The following TMEM127 variants were observed in gnomAD, a reference collection of about 807,000 sequenced individuals.
TMEM127 encodes the protein transmembrane protein 127.
Under a neutral mutation model 20.1 loss-of-function variants are expected in TMEM127, and 21 were observed. That is an observed-to-expected ratio of 1.04 (90% CI 0.74 to 1.50). The LOEUF is 1.50. Ranked by LOEUF, TMEM127 falls within the 40% of genes most tolerant of loss-of-function variation. The probability of loss-of-function intolerance (pLI) is 0.00; values close to 1 mark genes in which losing one functional copy is unlikely to be tolerated. For missense variants in TMEM127, 303 were observed against 317.4 expected, an observed-to-expected ratio of 0.95 and a Z score of 0.34; for synonymous variants, 150 against 144.7, an observed-to-expected ratio of 1.04 and a Z score of -0.26.
chr2:96,255,105 C>A, intron 2 of TMEM127, 108 bp from the exon 3 acceptor site: 1 of 1,489,384 alleles, frequency 6.7e-7, no homozygotes, highest in Non-Finnish European at 9.2e-7. Context: ...GGAGCCAGGG[C>A]AGTTCTGGAG....
intron 2 of TMEM127, among the ~76,000 whole-genome samples, chr2:96,257,269 G>A (rs888711563): frequency 1.3e-5 from 2 of 149,920 alleles, no homozygotes; most frequent in Admixed American, 6.6e-5. Flanking sequence ...CGACATCAGC[G>A]TGGCCAACAT....
Position 96,251,718 on chromosome 2 carries a change from A to G in TMEM127, c.*2090T>C, listed in dbSNP as rs144980006. The G allele has an allele frequency of 4.4e-5, 10 of 228,328 alleles. No individual in the cohort carries two copies. Among genetic ancestry groups the G allele is most frequent in the African/African-American group, 2.2e-4 (10 of 45,100 alleles). The allele number at this position is 228,328 out of a possible 1,614,324, so 14.1% of individuals were successfully genotyped here. On this transcript the variant is annotated 3_prime_UTR_variant, in exon 4 of 4. Transcript: ENST00000258439. ...ATTTTTTTCTAGAAAAAAAAACACAACCCGGGGAATTTATATGACAAACTA... is the reference window on the plus strand; with the variant it reads ...ATTTTTTTCTAGAAAAAAAAACACAGCCCGGGGAATTTATATGACAAACTA...
chr2:96,249,088 TGTG>T lies in TMEM127; in HGVS notation c.*4717_*4719del. 1 of 228,282 alleles carries T rather than the reference TGTG, an allele frequency of 4.4e-6. No individual in the cohort carries two copies. The highest frequency in any genetic ancestry group is 8.6e-6 in the Non-Finnish European group (1 of 116,310). The allele number at this position is 228,282 out of a possible 1,614,324, so 14.1% of individuals were successfully genotyped here. ...ATGGTGAGGAACCTGTGTGTGTGTGTGTGGTGTGTGTGTGTGTGTGTGTGTGTG... is the reference window on the plus strand; with the variant it reads ...ATGGTGAGGAACCTGTGTGTGTGTGTGTGTGTGTGTGTGTGTGTGTGTGTG... On this transcript the variant is annotated 3_prime_UTR_variant, in exon 4 of 4. Coordinates refer to ENST00000258439, the MANE Select transcript of TMEM127 (RefSeq NM_017849.4).
Position 96,249,093 on chromosome 2 carries a change from T to G in TMEM127, c.*4715A>C, listed in dbSNP as rs1019574002. 8.8e-4 allele frequency: 142 copies of G among 160,916 alleles called. No homozygotes were observed. Among genetic ancestry groups the G allele is most frequent in the Middle Eastern group, 2.5e-3 (1 of 396 alleles). 10.0% of individuals were successfully genotyped at this position (160,916 alleles called of 1,614,324 possible). ...GAGGAACCTGTGTGTGTGTGTGTGG[T>G]GTGTGTGTGTGTGTGTGTGTGTGTT... On this transcript the variant is annotated 3_prime_UTR_variant, in exon 4 of 4. Transcript: ENST00000258439.
chr2:96,265,662 T>A (rs962701128), intron 1 of TMEM127, 150 bp from the exon 2 acceptor site: 3 of 322,264 alleles, frequency 9.3e-6, no homozygotes, highest in African/African-American at 2.3e-5. Context: ...AGATGGGGTC[T>A]GGGCAGACTC....
At position 96,251,168 on chromosome 2, in the gene TMEM127, G is replaced by A. The variant is rs1684079367; in HGVS notation, c.*2640C>T. On this transcript the variant is annotated 3_prime_UTR_variant, in exon 4 of 4. Transcript: ENST00000258439. The stretch of plus-strand genomic sequence containing the variant: ...TGAAAACAGGATTAGGAAGCTCTGG[G>A]GGTGAAAATGCCATGCACGGAGCTG... The A allele has an allele frequency of 9.2e-6, 2 of 216,340 alleles. No individual in the cohort carries two copies. Among genetic ancestry groups the A allele is most frequent in the East Asian group, 1.4e-4 (2 of 14,712 alleles). The allele number at this position is 216,340 out of a possible 1,614,324, so 13.4% of individuals were successfully genotyped here. A position where few individuals can be genotyped will look rare whatever the true frequency, so the allele number is the denominator to read the frequency against.
intron 3 of TMEM127, 79 bp from the exon 4 acceptor site, chr2:96,254,194 C>T: frequency 6.4e-7 from 1 of 1,569,250 alleles, no homozygotes; most frequent in South Asian, 1.1e-5. Flanking sequence ...CAATCACAGC[C>T]TCTCTACCCA....
intron 2 of TMEM127, among the ~76,000 whole-genome samples, chr2:96,256,932 C>T (rs889002609): frequency 6.6e-5 from 10 of 152,146 alleles, no homozygotes; most frequent in Non-Finnish European, 2.9e-5. Context: ...ACAGGAAAAG[C>T]TAGGAAGCCA....
intron 2 of TMEM127, among the ~76,000 whole-genome samples, chr2:96,260,282 A>G (rs1684289056): frequency 6.6e-6 from 1 of 152,200 alleles, no homozygotes; most frequent in African/African-American, 2.4e-5. Flanking sequence ...CAGTATCTCA[A>G]TGTCTTTCTC....
chr2:96,250,730 C>T lies in TMEM127; in HGVS notation c.*3078G>A, dbSNP rs1042412470. 8.6e-6 allele frequency: 2 copies of T among 232,706 alleles called. No individual in the cohort carries two copies. Among genetic ancestry groups the T allele is most frequent in the East Asian group, 6.0e-5 (1 of 16,550 alleles). 14.4% of individuals were successfully genotyped at this position (232,706 alleles called of 1,614,324 possible). On this transcript the variant is annotated 3_prime_UTR_variant, in exon 4 of 4. Transcript: ENST00000258439. ...ATGAAGGAAGAAGGAACGGAGAGAA[C>T]GTGGGCAATCAAGGCCTGGCACTGC...
At position 96,251,847 on chromosome 2, in the gene TMEM127, C is replaced by T. The variant is rs1395308865; in HGVS notation, c.*1961G>A. The T allele has an allele frequency of 4.3e-6, 1 of 233,292 alleles. No homozygotes were observed. The highest frequency in any genetic ancestry group is 8.5e-6 in the Non-Finnish European group (1 of 117,880). 14.5% of individuals were successfully genotyped at this position (233,292 alleles called of 1,614,324 possible). On this transcript the variant is annotated 3_prime_UTR_variant, in exon 4 of 4. Coordinates refer to ENST00000258439, the MANE Select transcript of TMEM127 (RefSeq NM_017849.4). ...GATCGTGCGGAACAGTCCACAGGGTCATTTACAGGTCCTCAGGAGATGACC... is the reference window on the plus strand; with the variant it reads ...GATCGTGCGGAACAGTCCACAGGGTTATTTACAGGTCCTCAGGAGATGACC...
In TMEM127 at chr2:96,250,963, A is replaced by C. The variant is rs182729595; in HGVS notation, c.*2845T>G. On this transcript the variant is annotated 3_prime_UTR_variant, in exon 4 of 4. Transcript: ENST00000258439. ...GGAAAAAAAGTGTAGTTTGTTCTGC[A>C]AGCCACAGCCCAAAGAAGTCTATTT... 433 of 227,844 alleles carry C rather than the reference A, an allele frequency of 1.9e-3. No individual in the cohort carries two copies. Among genetic ancestry groups the C allele is most frequent in the Non-Finnish European group, 3.2e-3 (363 of 114,590 alleles). 14.1% of individuals were successfully genotyped at this position (227,844 alleles called of 1,614,324 possible).
At chr2:96,261,323 T>C (rs1276607993) in intron 2 of TMEM127, among the ~76,000 whole-genome samples, 5 of 151,724 alleles carry the variant, frequency 3.3e-5, no homozygotes, top group Non-Finnish European at 7.4e-5. Flanking sequence ...TCACCCAGGC[T>C]GGAGTGCAGA....
intron 2 of TMEM127, among the ~76,000 whole-genome samples, chr2:96,261,319 A>C (rs1368127962): frequency 6.6e-6 from 1 of 150,864 alleles, no homozygotes; most frequent in South Asian, 2.1e-4. Context: ...TCTGTCACCC[A>C]GGCTGGAGTG....
chr2:96,254,575 C>A lies in TMEM127; in HGVS notation c.409+258G>T, dbSNP rs549191599. ...GAGCTTCAAATGCCATTTTAGAGAG[C>A]TGTGAGCTTCCTTGTGGAATTTCTA... On this transcript the variant is annotated intron_variant, in intron 3 of 3. Transcript: ENST00000258439. 1.8e-4 allele frequency among the ~76,000 whole-genome samples: 28 copies of A among 152,314 alleles called. No individual in the cohort carries two copies. The South Asian group carries it at 5.8e-3, about 32-fold the overall frequency.
In TMEM127 at chr2:96,253,543, C is replaced by T; in HGVS notation, c.*265G>A. The T allele has an allele frequency of 2.0e-6, 1 of 501,082 alleles. No homozygotes were observed. The highest frequency in any genetic ancestry group is 3.6e-6 in the Non-Finnish European group (1 of 281,402). 31.0% of individuals were successfully genotyped at this position (501,082 alleles called of 1,614,324 possible). ...TGCTGGAGGAAACTTGGATGACCTT[C>T]CCTGGCTGGTAATGACTCGTGAATG... On this transcript the variant is annotated 3_prime_UTR_variant, in exon 4 of 4. Coordinates refer to ENST00000258439, the MANE Select transcript of TMEM127 (RefSeq NM_017849.4). The surrounding 1 kb of genome is among the most constrained non-coding windows in gnomAD (Gnocchi z 4.3).
chr2:96,265,635 G>A, intron 1 of TMEM127, 123 bp from the exon 2 acceptor site: 2 of 387,436 alleles, frequency 5.2e-6, no homozygotes, highest in Non-Finnish European at 8.8e-6. Context: ...GACGACAACC[G>A]AAGAGGGCCA....
intron 2 of TMEM127, among the ~76,000 whole-genome samples, chr2:96,256,776 C>T (rs1231683418): frequency 6.6e-6 from 1 of 151,848 alleles, no homozygotes. Flanking sequence ...CTGAACTCTA[C>T]GAGAACAAAA....
intron 2 of TMEM127, among the ~76,000 whole-genome samples, chr2:96,257,604 T>C (rs1684234807): frequency 6.6e-6 from 1 of 151,936 alleles, no homozygotes; most frequent in Admixed American, 6.6e-5. Flanking sequence ...GATTAAGTAT[T>C]TTAAGCTTTC....
Sources: gnomAD v4.1 joint callset for allele counts (sites outside exome capture counted in the v4.1 genomes callset) on GRCh38, gnomAD v4.1.1 for gene constraint, Gnocchi (gnomAD v3.1) non-coding constraint, MANE v1.5 for transcripts, NCBI Gene and HGNC (gene_info 2026-07-23, HGNC 2026-07-21) for gene names.